GLI3: variants seen among roughly 807,000 people sequenced by gnomAD.
GLI3 encodes the protein transcription activator GLI3.
Under a neutral mutation model 100.8 loss-of-function variants are expected in GLI3, and 20 were observed. The observed-to-expected ratio is 0.20, with a 90% confidence interval of 0.14 to 0.29. The LOEUF is 0.29. Among genes scored for constraint, GLI3 ranks in the 10% least tolerant of loss-of-function variants. GLI3 has a pLI of 1.00. For missense variants in GLI3, 2,040 were observed against 2,128.5 expected, an observed-to-expected ratio of 0.96 and a Z score of 0.82; for synonymous variants, 938 against 860.5, an observed-to-expected ratio of 1.09 and a Z score of -1.58.
rs748031460 is a variant in GLI3 at position 41,964,454 on chromosome 7, G to A, written c.4619C>T (p.Thr1540Met). 6 of 1,614,192 alleles carry A rather than the reference G, an allele frequency of 3.7e-6. No homozygotes were observed. Among genetic ancestry groups the A allele is most frequent in the Admixed American group, 1.7e-5 (1 of 60,034 alleles). Residue 1540 changes from threonine (T) to methionine (M), a missense_variant, in exon 15 of 15, where the codon ACG becomes ATG. This residue lies in a region of GLI3 where 1,041 missense variants were observed against 924.0 expected (regional missense o/e 1.13). Transcript: ENST00000395925. ...TGGGAATGGGAGGGACGCCCGAGGCGTGGTGAGGCGGGAGGAGCTATGGGA... is the reference window on the plus strand; with the variant it reads ...TGGGAATGGGAGGGACGCCCGAGGCATGGTGAGGCGGGAGGAGCTATGGGA... ...NLSHSSSRLT[T>M]PRASLPFPAL... is the part of the protein sequence containing the mutation.
chr7:42,260,092 A>T (rs983513340), intron 1 of GLI3, among the ~76,000 whole-genome samples: 2 of 152,356 alleles, frequency 1.3e-5, no homozygotes, highest in Admixed American at 6.5e-5. Context: ...AGATCATTGT[A>T]GATACTTGGA....
chr7:41,980,806 T>A (rs1007700667), intron 10 of GLI3, among the ~76,000 whole-genome samples: 1 of 152,226 alleles, frequency 6.6e-6, no homozygotes, highest in Non-Finnish European at 1.5e-5. Context: ...GAGGATGTGC[T>A]GGGTGCCACT....
At chr7:42,118,280 C>G in intron 3 of GLI3, 1 of 398,696 alleles carries the variant, frequency 2.5e-6, no homozygotes, top group Non-Finnish European at 4.4e-6. Context: ...AGAGTCCTAA[C>G]TATGGACTAA....
intron 3 of GLI3, among the ~76,000 whole-genome samples, chr7:42,129,645 C>T (rs1167973004): frequency 1.3e-5 from 2 of 151,994 alleles, no homozygotes; most frequent in East Asian, 1.9e-4. Flanking sequence ...CCCGTCTCTA[C>T]CAAAAATACA....
intron 1 of GLI3, among the ~76,000 whole-genome samples, chr7:42,236,636 G>A (rs148074324): frequency 0.02 from 3,080 of 152,276 alleles, 37 homozygotes; most frequent in Non-Finnish European, 0.028. Context: ...GGCTCGCGGA[G>A]TTCTTCTGAA....
chr7:42,201,869 G>T lies in GLI3; in HGVS notation c.124+21261C>A, dbSNP rs193007581. The stretch of plus-strand genomic sequence containing the variant: ...GAAGCCGAGGCGGGCAGATCACAAG[G>T]TCAGGAGATCAAGACCATCTTGGCC... On this transcript the variant is annotated intron_variant, in intron 2 of 14. Coordinates refer to ENST00000395925, the MANE Select transcript of GLI3 (RefSeq NM_000168.6). Among the ~76,000 whole-genome samples the T allele has an allele frequency of 1.1e-4, 16 of 152,196 alleles. No individual in the cohort carries two copies. In the East Asian group the frequency reaches 3.1e-3, roughly 29 times the overall value.
At chr7:42,259,709 T>C (rs1161521630) in intron 1 of GLI3, among the ~76,000 whole-genome samples, 2 of 152,196 alleles carry the variant, frequency 1.3e-5, no homozygotes, top group African/African-American at 4.8e-5. Flanking sequence ...TAAACGCAGA[T>C]GACCTTGCAT....
At chr7:41,969,394 G>C (rs1300181788) in intron 13 of GLI3, among the ~76,000 whole-genome samples, 1 of 152,184 alleles carries the variant, frequency 6.6e-6, no homozygotes, top group Non-Finnish European at 1.5e-5. Context: ...ACCAGGAAGG[G>C]CTCTTCGCAG....
chr7:42,175,124 C>T (rs1387632849), intron 2 of GLI3, among the ~76,000 whole-genome samples: 2 of 152,202 alleles, frequency 1.3e-5, no homozygotes, highest in East Asian at 1.9e-4. Flanking sequence ...AAACACACCA[C>T]CTATGTGGTA....
intron 4 of GLI3, among the ~76,000 whole-genome samples, chr7:42,068,380 T>G (rs1371267756): frequency 6.6e-6 from 1 of 152,216 alleles, no homozygotes; most frequent in Non-Finnish European, 1.5e-5. Flanking sequence ...CAAGATTGTA[T>G]TTTTCAAATT....
At chr7:42,045,074 A>G (rs1408721637) in intron 6 of GLI3, among the ~76,000 whole-genome samples, 3 of 152,188 alleles carry the variant, frequency 2.0e-5, no homozygotes, top group African/African-American at 7.2e-5. Context: ...TTTTGTAGAG[A>G]TAGATCTCGC....
chr7:42,199,890 T>C (rs1397657216), intron 2 of GLI3, among the ~76,000 whole-genome samples: 1 of 152,096 alleles, frequency 6.6e-6, no homozygotes, highest in Non-Finnish European at 1.5e-5. Flanking sequence ...ACCCCGTCTC[T>C]ACTAAAAATA....
At chr7:41,990,122 T>TACACACACACAC (rs3138802) in intron 10 of GLI3, among the ~76,000 whole-genome samples, 13 of 148,874 alleles carry the variant, frequency 8.7e-5, no homozygotes, top group Admixed American at 2.0e-4. Context: ...AATGCTTGCT[T>TACACACACACAC]ACACACACAC....
At chr7:42,040,391 A>G in intron 6 of GLI3, 152 bp from the exon 7 acceptor site, 1 of 685,164 alleles carries the variant, frequency 1.5e-6, no homozygotes, top group East Asian at 2.7e-5. Flanking sequence ...TCTACTAGCT[A>G]CAGTTGAGGA....
chr7:42,147,377 T>C (rs772706583), intron 3 of GLI3, among the ~76,000 whole-genome samples: 1 of 152,184 alleles, frequency 6.6e-6, no homozygotes, highest in East Asian at 1.9e-4. Flanking sequence ...TCCCCCTCAC[T>C]GGAGCTCAAT....
At chr7:42,010,467 C>T (rs1304744761) in intron 10 of GLI3, among the ~76,000 whole-genome samples, 1 of 152,192 alleles carries the variant, frequency 6.6e-6, no homozygotes, top group Non-Finnish European at 1.5e-5. Flanking sequence ...TGGATGAGTT[C>T]ATGGGTTTCA....
chr7:41,963,863 A>C lies in GLI3; in HGVS notation c.*467T>G, dbSNP rs1018859556. 1 of 161,548 alleles carries C rather than the reference A, an allele frequency of 6.2e-6. No homozygotes were observed. Among genetic ancestry groups the C allele is most frequent in the African/African-American group, 2.4e-5 (1 of 41,450 alleles). The allele number at this position is 161,548 out of a possible 1,614,324, so 10.0% of individuals were successfully genotyped here. A position where few individuals can be genotyped will look rare whatever the true frequency, so the allele number is the denominator to read the frequency against. On this transcript the variant is annotated 3_prime_UTR_variant, in exon 15 of 15. Transcript: ENST00000395925. ...AATAAAAAACAGAAACCAAAACACA[A>C]AACAAAACACTGAGCACATGTAAAG...
At chr7:42,181,389 C>T (rs1787589039) in intron 2 of GLI3, among the ~76,000 whole-genome samples, 1 of 151,926 alleles carries the variant, frequency 6.6e-6, no homozygotes, top group African/African-American at 2.4e-5. Context: ...TATCTTGAGC[C>T]CAGGAGTTCA....
chr7:42,221,468 T>TA (rs997713771), intron 2 of GLI3, among the ~76,000 whole-genome samples: 108 of 152,230 alleles, frequency 7.1e-4, no homozygotes, highest in African/African-American at 2.5e-3. Flanking sequence ...CACTCATAGT[T>TA]ACCTCTACCA....
Sources: allele counts gnomAD v4.1 joint callset (sites outside exome capture counted in the v4.1 genomes callset), GRCh38; gene constraint gnomAD v4.1.1; regional missense constraint gnomAD v4.1.1; transcripts MANE v1.5; gene names NCBI Gene and HGNC (gene_info 2026-07-23, HGNC 2026-07-21).